The following PCDH11X variants were observed in gnomAD, a reference collection of about 807,000 sequenced individuals.
PCDH11X encodes protocadherin-11 X-linked.
PCDH11X carries 18 observed loss-of-function variants against 53.3 expected under a neutral mutation model. That is an observed-to-expected ratio of 0.34 (90% CI 0.23 to 0.50). The LOEUF (loss-of-function observed/expected upper bound fraction) is 0.50, where lower values mean the gene tolerates loss of function less well. Among genes scored for constraint, PCDH11X ranks in the 20% least tolerant of loss-of-function variants. The pLI, the probability that PCDH11X is intolerant of heterozygous loss-of-function variation, is 0.98. For missense variants in PCDH11X, 570 were observed against 1,032.4 expected (o/e 0.55, Z 6.14); for synonymous variants, 279 against 393.3 (o/e 0.71, Z 3.44).
At chrX:92,017,674 C>T (rs1285014986) in intron 6 of PCDH11X, among the ~76,000 whole-genome samples, 1 of 99,183 alleles carries the variant, frequency 1.0e-5, no homozygotes, top group Non-Finnish European at 2.0e-5. Context: ...CACGGCACTC[C>T]AGCCTGGATG....
chrX:92,136,297 C>T (rs1431342073), intron 6 of PCDH11X, among the ~76,000 whole-genome samples: 1 of 110,301 alleles, frequency 9.1e-6, no homozygotes, highest in Non-Finnish European at 1.9e-5. Context: ...GTATGTGTGA[C>T]GTAGACAGCA....
intron 9 of PCDH11X, among the ~76,000 whole-genome samples, chrX:92,439,307 G>A (rs2072460083): frequency 1.8e-5 from 2 of 111,149 alleles, no homozygotes; most frequent in Admixed American, 1.9e-4. Flanking sequence ...AATTACTTTG[G>A]ATTGTGTTGA....
At chrX:92,535,372 G>A (rs1174748678) in intron 10 of PCDH11X, among the ~76,000 whole-genome samples, 5 of 111,362 alleles carry the variant, frequency 4.5e-5, no homozygotes, top group African/African-American at 6.5e-5. Flanking sequence ...TCCTTTGGAG[G>A]AACACAGATG....
intron 6 of PCDH11X, among the ~76,000 whole-genome samples, chrX:92,050,288 GAAGAT>G (rs10585131): frequency 0.088 from 9,084 of 103,177 alleles, 958 homozygotes; most frequent in African/African-American, 0.28. Flanking sequence ...AATATTTTCA[GAAGAT>G]AAGTTAGGTA....
chrX:92,217,236 CA>C (rs1205747780), intron 7 of PCDH11X, among the ~76,000 whole-genome samples: 1 of 110,817 alleles, frequency 9.0e-6, no homozygotes, highest in South Asian at 3.9e-4. Flanking sequence ...CTAAATGCTC[CA>C]ATTAAAAGAC....
intron 5 of PCDH11X, among the ~76,000 whole-genome samples, chrX:91,859,841 TAC>T (rs1295253841): frequency 9.1e-6 from 1 of 109,730 alleles, no homozygotes; most frequent in East Asian, 2.9e-4. Context: ...TTTGTAGCAG[TAC>T]CATGCTATTT....
intron 6 of PCDH11X, among the ~76,000 whole-genome samples, chrX:92,005,827 A>C (rs893330616): frequency 5.4e-5 from 6 of 111,789 alleles, no homozygotes; most frequent in African/African-American, 2.0e-4. Context: ...TTTGTCTGAG[A>C]AAGTCTTCAT....
Position 92,587,957 on chromosome X carries a change from A to C in PCDH11X, c.3368-30307A>C, listed in dbSNP as rs762047081. 9.1e-5 allele frequency among the ~76,000 whole-genome samples: 10 copies of C among 110,071 alleles called. No individual in the cohort carries two copies. The East Asian group carries it at 2.9e-3, about 31-fold the overall frequency. ...CTAGGGAAGAATTACTGTGATATTCACAGAGTAGTTTGCTACTGTGTGAGA... is the reference window on the plus strand; with the variant it reads ...CTAGGGAAGAATTACTGTGATATTCCCAGAGTAGTTTGCTACTGTGTGAGA... On this transcript the variant is annotated intron_variant, in intron 10 of 10. Transcript: ENST00000682573.
At chrX:92,070,429 A>G (rs2063682497) in intron 6 of PCDH11X, among the ~76,000 whole-genome samples, 1 of 112,015 alleles carries the variant, frequency 8.9e-6, no homozygotes, top group African/African-American at 3.2e-5. Context: ...TATTTTCACA[A>G]GATATACTAT....
Position 91,876,823 on chromosome X carries a change from G to A in PCDH11X, c.583G>A (p.Gly195Arg). The A allele has an allele frequency of 8.3e-7, 1 of 1,210,268 alleles. No individual in the cohort carries two copies. Among genetic ancestry groups the A allele is most frequent in the Non-Finnish European group, 1.1e-6 (1 of 894,972 alleles). ...CCTCGATGTCATTGAAACACCAGAA[G>A]GAGACAAGATGCCACAACTGATTGT... ...FGLDVIETPEGDKMPQLIVQK... is the reference protein window; with the variant it reads ...FGLDVIETPERDKMPQLIVQK... The change falls in exon 6 of 11, where the codon GGA becomes AGA. Residue 195 changes from glycine to arginine, a missense_variant. By Grantham distance (125) the Gly-to-Arg change is moderately radical. This residue lies in a region of PCDH11X where 3 missense variants were observed against 33.4 expected (regional missense o/e 0.09). Coordinates refer to ENST00000682573, the MANE Select transcript of PCDH11X (RefSeq NM_032968.5).
At chrX:92,540,717 C>T (rs1020905623) in intron 10 of PCDH11X, among the ~76,000 whole-genome samples, 1 of 107,591 alleles carries the variant, frequency 9.3e-6, no homozygotes, top group African/African-American at 3.4e-5. Flanking sequence ...GGAGTACTCC[C>T]TGACTATCAC....
chrX:92,375,911 C>T (rs752777912), intron 8 of PCDH11X, among the ~76,000 whole-genome samples: 12 of 111,988 alleles, frequency 1.1e-4, no homozygotes, highest in African/African-American at 3.6e-4. Context: ...CGTGAGCCAC[C>T]GTGCCTGGCC....
At chrX:91,960,773 G>A (rs949560045) in intron 6 of PCDH11X, among the ~76,000 whole-genome samples, 13 of 111,022 alleles carry the variant, frequency 1.2e-4, no homozygotes, top group Non-Finnish European at 2.3e-4. Context: ...ATTTTTGTAA[G>A]TGGTGTAGGG....
intron 6 of PCDH11X, among the ~76,000 whole-genome samples, chrX:91,910,661 T>C (rs1242693645): frequency 9.0e-6 from 1 of 111,024 alleles, no homozygotes; most frequent in Non-Finnish European, 1.9e-5. Context: ...TCTGCAAGTA[T>C]AGAAAAACAT....
intron 6 of PCDH11X, among the ~76,000 whole-genome samples, chrX:92,024,877 C>T (rs1379724966): frequency 9.2e-6 from 1 of 109,249 alleles, no homozygotes; most frequent in Non-Finnish European, 1.9e-5. Flanking sequence ...CATCTACAAC[C>T]ATCTGATCTT....
chrX:92,094,014 TCTAG>T (rs925510662), intron 6 of PCDH11X, among the ~76,000 whole-genome samples: 5 of 110,996 alleles, frequency 4.5e-5, no homozygotes, highest in African/African-American at 1.6e-4. Context: ...TAGTCCTAAA[TCTAG>T]CTGTTTTCAT....
chrX:92,570,842 G>C (rs1289625156), intron 10 of PCDH11X, among the ~76,000 whole-genome samples: 1 of 106,876 alleles, frequency 9.4e-6, no homozygotes, highest in Non-Finnish European at 1.9e-5. Context: ...AGCTTGAATG[G>C]AAGCACTGTT....
chrX:92,376,223 G>C (rs1051792036), intron 8 of PCDH11X, among the ~76,000 whole-genome samples: 1 of 111,717 alleles, frequency 9.0e-6, no homozygotes, highest in South Asian at 3.7e-4. Context: ...CAATTGCGGG[G>C]TGAGCAACTG....
At chrX:91,950,557 T>C (rs780144107) in intron 6 of PCDH11X, among the ~76,000 whole-genome samples, 1 of 104,529 alleles carries the variant, frequency 9.6e-6, no homozygotes, top group South Asian at 4.2e-4. Flanking sequence ...TATATATATA[T>C]ATAAATGTGA....
Sources: allele counts gnomAD v4.1 joint callset (sites outside exome capture counted in the v4.1 genomes callset), GRCh38; gene constraint gnomAD v4.1.1; regional missense constraint gnomAD v4.1.1; transcripts MANE v1.5; gene names NCBI Gene and HGNC (gene_info 2026-07-23, HGNC 2026-07-21).